The following PDCD1LG2 variants were observed in gnomAD, a reference collection of about 807,000 sequenced individuals.
PDCD1LG2 encodes programmed cell death 1 ligand 2.
PDCD1LG2 carries 32 observed loss-of-function variants against 28.2 expected under a neutral mutation model. The observed-to-expected ratio is 1.13, with a 90% CI of 0.86 to 1.52. PDCD1LG2 has a LOEUF of 1.52. PDCD1LG2 is among the 40% of genes most tolerant of loss of function. The probability of loss-of-function intolerance (pLI) is 0.00; values close to 1 mark genes in which losing one functional copy is unlikely to be tolerated. For missense variants in PDCD1LG2, 385 were observed against 323.8 expected (o/e 1.19, Z -1.45); for synonymous variants, 116 against 120.2 (o/e 0.97, Z 0.23).
chr9:5,537,935 A>C (rs1820613494), intron 3 of PDCD1LG2, among the ~76,000 whole-genome samples: 1 of 152,246 alleles, frequency 6.6e-6, no homozygotes, highest in Non-Finnish European at 1.5e-5. Flanking sequence ...TCATAGTCAC[A>C]AGAGAAAAGT....
chr9:5,522,743 A>C lies in PDCD1LG2; in HGVS notation c.55+142A>C, dbSNP rs1288567480. The C allele has an allele frequency of 6.7e-6, 4 of 597,788 alleles. No individual in the cohort carries two copies. In the South Asian group the frequency reaches 7.1e-5, roughly 11 times the overall value. 37.0% of individuals were successfully genotyped at this position (597,788 alleles called of 1,614,324 possible). ...TTTCTGGGCTATTCCAAGCACCACA[A>C]AAAAAAAAAGAGTCCCCATGGTGGC... On this transcript the variant is annotated intron_variant, in intron 2 of 6. Transcript: ENST00000397747.
intron 2 of PDCD1LG2, among the ~76,000 whole-genome samples, chr9:5,528,276 T>TTA (rs563402663): frequency 0.013 from 1,936 of 147,468 alleles, 33 homozygotes; most frequent in African/African-American, 0.04. Context: ...TATATATATT[T>TTA]TATATATATA....
intron 3 of PDCD1LG2, among the ~76,000 whole-genome samples, chr9:5,542,282 G>A (rs548238201): frequency 1.3e-5 from 2 of 152,164 alleles, no homozygotes; most frequent in African/African-American, 2.4e-5. Context: ...CAAAGACTTC[G>A]TGACCAAGAA....
At chr9:5,517,441 G>A (rs1176732407) in intron 1 of PDCD1LG2, among the ~76,000 whole-genome samples, 1 of 152,116 alleles carries the variant, frequency 6.6e-6, no homozygotes, top group Non-Finnish European at 1.5e-5. Context: ...TCAGCCCTGC[G>A]AACACCTTAC....
intron 3 of PDCD1LG2, among the ~76,000 whole-genome samples, chr9:5,546,871 C>A (rs1416240969): frequency 2.2e-4 from 34 of 152,168 alleles, no homozygotes; most frequent in Admixed American, 2.2e-3. Context: ...GGTGTGCTGA[C>A]CACATGGAGA....
At chr9:5,531,844 G>C (rs1309935309) in intron 2 of PDCD1LG2, among the ~76,000 whole-genome samples, 1 of 152,198 alleles carries the variant, frequency 6.6e-6, no homozygotes, top group African/African-American at 2.4e-5. Flanking sequence ...AATTAAACAA[G>C]AGAAGTATTA....
chr9:5,525,169 G>A (rs542913919), intron 2 of PDCD1LG2, among the ~76,000 whole-genome samples: 5 of 152,190 alleles, frequency 3.3e-5, no homozygotes, highest in South Asian at 4.1e-4. Context: ...CCAACATGGT[G>A]AAACCCCTCT....
intron 4 of PDCD1LG2, among the ~76,000 whole-genome samples, chr9:5,555,696 G>C (rs535613843): frequency 8.5e-5 from 13 of 152,290 alleles, no homozygotes; most frequent in Admixed American, 7.8e-4. Flanking sequence ...CTATAAAATT[G>C]TCAAAGCTCA....
intron 3 of PDCD1LG2, among the ~76,000 whole-genome samples, chr9:5,545,693 C>T (rs776659967): frequency 9.9e-5 from 15 of 152,146 alleles, no homozygotes; most frequent in Non-Finnish European, 2.2e-4. Flanking sequence ...GAGATTTCAA[C>T]TCATCTCTAT....
chr9:5,513,250 A>G (rs1820095167), intron 1 of PDCD1LG2, among the ~76,000 whole-genome samples: 1 of 152,190 alleles, frequency 6.6e-6, no homozygotes, highest in Admixed American at 6.5e-5. Flanking sequence ...ACGCCTGTGC[A>G]TTTGCACCTC....
intron 2 of PDCD1LG2, among the ~76,000 whole-genome samples, chr9:5,533,112 T>C (rs990364326): frequency 5.3e-5 from 8 of 152,224 alleles, no homozygotes; most frequent in African/African-American, 1.9e-4. Context: ...CAAATATTTG[T>C]TGAATGAATG....
chr9:5,515,539 T>C (rs1194086166), intron 1 of PDCD1LG2, among the ~76,000 whole-genome samples: 1 of 152,104 alleles, frequency 6.6e-6, no homozygotes, highest in African/African-American at 2.4e-5. Context: ...GGGTAGCACT[T>C]TTCCATAGGC....
At chr9:5,555,711 G>T (rs1013672724) in intron 4 of PDCD1LG2, among the ~76,000 whole-genome samples, 2 of 152,192 alleles carry the variant, frequency 1.3e-5, no homozygotes, top group Non-Finnish European at 2.9e-5. Flanking sequence ...AGCTCAGTCA[G>T]TGCCAAACCC....
At chr9:5,513,529 A>C (rs9886743) in intron 1 of PDCD1LG2, among the ~76,000 whole-genome samples, 8 of 152,330 alleles carry the variant, frequency 5.3e-5, no homozygotes, top group African/African-American at 1.7e-4. Flanking sequence ...GAATTCTCCA[A>C]TGATAAATTA....
rs891179237 is a variant in PDCD1LG2, at chr9:5,549,379, A to T, written c.406A>T (p.Thr136Ser). ...CACTCACATCCTAAAGGTTCCAGAA[A>T]CAGATGAGGTAGAGCTCACCTGCCA... ...INTHILKVPE[T>S]DEVELTCQAT... Residue 136 changes from threonine to serine, a missense_variant, in exon 4 of 7, where the codon ACA (threonine) becomes TCA (serine). Physicochemically the swap from Thr to Ser is moderately conservative, Grantham distance 58 (BLOSUM62 1). Transcript: ENST00000397747. 1 of 1,614,130 alleles carries T rather than the reference A, an allele frequency of 6.2e-7. No homozygotes were observed. Among genetic ancestry groups the T allele is most frequent in the Non-Finnish European group, 8.5e-7 (1 of 1,179,982 alleles).
intron 5 of PDCD1LG2, among the ~76,000 whole-genome samples, chr9:5,559,593 C>A (rs1051423185): frequency 6.6e-6 from 1 of 152,202 alleles, no homozygotes; most frequent in East Asian, 1.9e-4. Flanking sequence ...AGAGAAGGAA[C>A]ATTTTACAGC....
chr9:5,550,779 T>C (rs1816315358), intron 4 of PDCD1LG2, among the ~76,000 whole-genome samples: 1 of 151,934 alleles, frequency 6.6e-6, no homozygotes, highest in Non-Finnish European at 1.5e-5. Context: ...CTGCAACCCC[T>C]GCCTCCCGGG....
intron 4 of PDCD1LG2, among the ~76,000 whole-genome samples, chr9:5,553,173 T>C (rs923297035): frequency 1.3e-5 from 2 of 152,062 alleles, no homozygotes; most frequent in Admixed American, 6.6e-5. Context: ...AGAAAGAAAC[T>C]AGAAATCCAT....
chr9:5,544,740 G>GT (rs113219321), intron 3 of PDCD1LG2, among the ~76,000 whole-genome samples: 1 of 151,688 alleles, frequency 6.6e-6, no homozygotes, highest in Admixed American at 6.6e-5. Context: ...CTGGCTGATG[G>GT]CCTCAGTCAA....
Sources: allele counts gnomAD v4.1 joint callset (sites outside exome capture counted in the v4.1 genomes callset), GRCh38; gene constraint gnomAD v4.1.1; transcripts MANE v1.5; gene names NCBI Gene and HGNC (gene_info 2026-07-23, HGNC 2026-07-21).